The following PRKCZ variants were observed in gnomAD, a reference collection of about 807,000 sequenced individuals.
PRKCZ encodes the protein protein kinase C zeta type.
Under a neutral mutation model 79.5 loss-of-function variants are expected in PRKCZ, and 33 were observed. The ratio of observed to expected loss-of-function variants is 0.41; its 90% CI spans 0.31 to 0.55. PRKCZ has a LOEUF of 0.55. Ranked by LOEUF, PRKCZ falls within the 20% of genes least tolerant of loss-of-function variation. The pLI is 0.19. For synonymous variants in PRKCZ, 342 were observed against 320.9 expected (o/e 1.07, Z -0.70); for missense variants, 578 against 813.5 (o/e 0.71, Z 3.52).
intron 4 of PRKCZ, among the ~76,000 whole-genome samples, chr1:2,123,320 G>T (rs191638235): frequency 3.5e-5 from 1 of 28,394 alleles, no homozygotes; most frequent in Admixed American, 3.7e-4. Flanking sequence ...GGTGGTTAGG[G>T]TCATGGTGGT....
intron 6 of PRKCZ, 25 bp downstream of exon 6, chr1:2,144,366 C>CG (rs776846383): frequency 2.6e-6 from 4 of 1,554,076 alleles, no homozygotes; most frequent in South Asian, 2.4e-5. Flanking sequence ...TGGGGAGGCC[C>CG]GGGGGGCACG....
intron 4 of PRKCZ, among the ~76,000 whole-genome samples, chr1:2,105,525 G>A (rs377174772): frequency 3.5e-4 from 53 of 152,264 alleles, no homozygotes; most frequent in Middle Eastern, 3.4e-3. Context: ...TCGGCCTCCC[G>A]AGTAGCTGGG....
chr1:2,142,546 C>A, intron 5 of PRKCZ: 1 of 278,742 alleles, frequency 3.6e-6, no homozygotes. Flanking sequence ...TAGATTGGCC[C>A]GGAATCAGAG....
At chr1:2,089,269 T>C (rs2102464910) in intron 4 of PRKCZ, among the ~76,000 whole-genome samples, 1 of 152,260 alleles carries the variant, frequency 6.6e-6, no homozygotes, top group East Asian at 1.9e-4. Context: ...TTCTGGGGCC[T>C]GCATGGGTAG....
intron 6 of PRKCZ, 28 bp from the exon 7 acceptor site, chr1:2,145,999 T>C (rs1443661508): frequency 3.2e-6 from 5 of 1,577,964 alleles, no homozygotes; most frequent in East Asian, 2.2e-5. Context: ...CACTTGGTCA[T>C]GCTGCCATCT....
In PRKCZ at chr1:2,105,211, T is replaced by C. The variant is rs117049609; in HGVS notation, c.335-30051T>C. Among the ~76,000 whole-genome samples the C allele has an allele frequency of 0.017, 2,550 of 152,278 alleles. 178 individuals are homozygous for C. The East Asian group carries it at 0.18, about 11-fold the overall frequency. On this transcript the variant is annotated intron_variant, in intron 4 of 17. Transcript: ENST00000378567. ...GTCAGGAGACAGCTCTTGCGCTGTGTACCGGCACTGCCGCCCAGCAGGTGA... is the reference window on the plus strand; with the variant it reads ...GTCAGGAGACAGCTCTTGCGCTGTGCACCGGCACTGCCGCCCAGCAGGTGA...
At chr1:2,110,197 G>A (rs1178541082) in intron 4 of PRKCZ, among the ~76,000 whole-genome samples, 2 of 113,078 alleles carry the variant, frequency 1.8e-5, no homozygotes, top group East Asian at 2.5e-4. Flanking sequence ...GACACAGAAC[G>A]GCCAGGGCTG....
rs575975646 is a variant in PRKCZ, at chr1:2,054,698, G to A, written c.72-743G>A. Among the ~76,000 whole-genome samples the A allele has an allele frequency of 1.3e-3, 203 of 152,196 alleles. 1 individual carries two copies. Among genetic ancestry groups the A allele is most frequent in the African/African-American group, 4.0e-3 (166 of 41,526 alleles). On this transcript the variant is annotated intron_variant, in intron 1 of 17. Coordinates refer to ENST00000378567, the MANE Select transcript of PRKCZ (RefSeq NM_002744.6). ...TCCCCGCCACTTCACCGCTGGCACC[G>A]TCGAGGTCTGGGGGCAGGTCTGACT...
chr1:2,135,211 G>A, intron 4 of PRKCZ, 51 bp from the exon 5 acceptor site: 1 of 1,519,862 alleles, frequency 6.6e-7, no homozygotes, highest in Non-Finnish European at 9.1e-7. Context: ...ACCCTGCGTG[G>A]GCTCGTGGCT....
At chr1:2,170,600 C>G (rs558824584) in intron 11 of PRKCZ, among the ~76,000 whole-genome samples, 1 of 152,216 alleles carries the variant, frequency 6.6e-6, no homozygotes, top group Non-Finnish European at 1.5e-5. Flanking sequence ...CCAGAGCACG[C>G]CCCTCTTCCC....
chr1:2,088,549 C>T (rs547611785), intron 4 of PRKCZ, among the ~76,000 whole-genome samples: 5 of 152,226 alleles, frequency 3.3e-5, no homozygotes, highest in Admixed American at 3.3e-4. Flanking sequence ...CTCCATCCCA[C>T]GCCCAGAGCG....
At chr1:2,171,554 G>A (rs1684440609) in intron 11 of PRKCZ, 1 of 153,348 alleles carries the variant, frequency 6.5e-6, no homozygotes, top group Non-Finnish European at 1.4e-5. Flanking sequence ...TTTTAGTAGA[G>A]ACGGAGTTTC....
At chr1:2,176,871 A>G (rs1184448164) in intron 16 of PRKCZ, among the ~76,000 whole-genome samples, 1 of 152,220 alleles carries the variant, frequency 6.6e-6, no homozygotes, top group Non-Finnish European at 1.5e-5. Context: ...GCCCTTCCAG[A>G]GCCCAGCTGG....
intron 10 of PRKCZ, 177 bp from the exon 11 acceptor site, chr1:2,169,341 A>G (rs185230895): frequency 4.5e-6 from 3 of 666,558 alleles, no homozygotes; most frequent in Non-Finnish European, 8.4e-6. Context: ...GCGGCCCCGC[A>G]GCCCGTCCCC....
chr1:2,145,801 C>T (rs1557672482), intron 6 of PRKCZ, among the ~76,000 whole-genome samples: 2 of 151,996 alleles, frequency 1.3e-5, no homozygotes, highest in African/African-American at 4.8e-5. Flanking sequence ...CTGTAGTGCC[C>T]GCTGCTCTGG....
intron 4 of PRKCZ, chr1:2,104,916 A>G (rs1450280434): frequency 1.0e-6 from 1 of 985,196 alleles, no homozygotes; most frequent in Non-Finnish European, 1.2e-6. Context: ...TTTATTCTTC[A>G]CACCTCATTA....
intron 4 of PRKCZ, among the ~76,000 whole-genome samples, chr1:2,104,426 C>T (rs1668014203): frequency 6.6e-6 from 1 of 152,142 alleles, no homozygotes; most frequent in African/African-American, 2.4e-5. Flanking sequence ...GCCTGAACCT[C>T]AGGGCCTCTG....
chr1:2,129,787 C>G (rs1009454047), intron 4 of PRKCZ, among the ~76,000 whole-genome samples: 1 of 152,220 alleles, frequency 6.6e-6, no homozygotes, highest in Admixed American at 6.5e-5. Flanking sequence ...GAGTAGGGAC[C>G]AGGCAGGGCC....
At chr1:2,155,120 A>G (rs1333010683) in intron 9 of PRKCZ, among the ~76,000 whole-genome samples, 1 of 151,790 alleles carries the variant, frequency 6.6e-6, no homozygotes, top group Non-Finnish European at 1.5e-5. Context: ...GATGATGGTG[A>G]CAATGATGGT....
Sources: gnomAD v4.1 joint callset for allele counts (sites outside exome capture counted in the v4.1 genomes callset) on GRCh38, gnomAD v4.1.1 for gene constraint, MANE v1.5 for transcripts, NCBI Gene and HGNC (gene_info 2026-07-23, HGNC 2026-07-21) for gene names.